SCUBE1: variants seen among roughly 807,000 people sequenced by gnomAD.
The protein encoded by SCUBE1 is signal peptide, CUB and EGF-like domain-containing protein 1.
In SCUBE1, 59 loss-of-function variants were observed where a neutral mutation model predicts 124.4. The observed-to-expected ratio is 0.47, with a 90% CI of 0.38 to 0.59. The LOEUF is 0.59. Ranked by LOEUF, SCUBE1 falls within the 20% of genes least tolerant of loss-of-function variation. The pLI is 0.00. For missense variants in SCUBE1, 1,150 were observed against 1,371.2 expected, an observed-to-expected ratio of 0.84 and a Z score of 2.55; for synonymous variants, 545 against 550.9, an observed-to-expected ratio of 0.99 and a Z score of 0.15.
At chr22:43,302,472 T>A (rs1464039502) in intron 3 of SCUBE1, among the ~76,000 whole-genome samples, 1 of 152,208 alleles carries the variant, frequency 6.6e-6, no homozygotes, top group Non-Finnish European at 1.5e-5. Flanking sequence ...CTCCTTGAAC[T>A]TCTAGATCAC....
At chr22:43,217,636 G>A (rs962083828) in intron 15 of SCUBE1, among the ~76,000 whole-genome samples, 3 of 152,172 alleles carry the variant, frequency 2.0e-5, no homozygotes, top group Admixed American at 6.5e-5. Flanking sequence ...TGGCCTCACT[G>A]TACCTGTGGG....
chr22:43,274,942 G>A (rs986460432), intron 4 of SCUBE1, among the ~76,000 whole-genome samples: 10 of 152,198 alleles, frequency 6.6e-5, no homozygotes, highest in Non-Finnish European at 1.0e-4. Context: ...TTGGATCATC[G>A]GCAGGTACAG....
At chr22:43,268,075 G>A (rs974895326) in intron 4 of SCUBE1, among the ~76,000 whole-genome samples, 1 of 152,208 alleles carries the variant, frequency 6.6e-6, no homozygotes, top group Non-Finnish European at 1.5e-5. Flanking sequence ...CCCTGAGCCA[G>A]CCAGGTCCAT....
intron 4 of SCUBE1, among the ~76,000 whole-genome samples, chr22:43,278,648 T>C (rs1924632186): frequency 6.6e-6 from 1 of 152,142 alleles, no homozygotes. Flanking sequence ...TCTCTGTCCA[T>C]TGGCTTGTTT....
chr22:43,211,520 CTT>C lies in SCUBE1; in HGVS notation c.2222-439_2222-438del, dbSNP rs35852531. 1.8e-4 allele frequency among the ~76,000 whole-genome samples: 24 copies of C among 136,902 alleles called. No individual in the cohort carries two copies. The highest frequency in any genetic ancestry group is 2.1e-4 in the East Asian group (1 of 4,830). 89.8% of individuals were successfully genotyped at this position (136,902 alleles called of 152,430 possible). On this transcript the variant is annotated intron_variant, in intron 17 of 21. Coordinates refer to ENST00000360835, the MANE Select transcript of SCUBE1 (RefSeq NM_173050.5). This position sits in a 1 kb window ranked among gnomAD's most constrained non-coding sequence, Gnocchi z 4.5. ...GGCGGGGGGCTAGAGATGGGCAATT[CTT>C]TTTTTTTTTTTTTGAGATGGAGCTC...
chr22:43,215,909 TCACA>T lies in SCUBE1; in HGVS notation c.1892-1662_1892-1659del, dbSNP rs1235588612. ...TACACACTCACACATGCATGCACAC[TCACA>T]CACATGCACACGTGTGGGAGACGGG... is the stretch of plus-strand genomic sequence containing the variant. On this transcript the variant is annotated intron_variant, in intron 15 of 21. Coordinates refer to ENST00000360835, the MANE Select transcript of SCUBE1 (RefSeq NM_173050.5). Among the ~76,000 whole-genome samples, 9 of 143,576 alleles carry T rather than the reference TCACA, an allele frequency of 6.3e-5. No homozygotes were observed. In the South Asian group the frequency reaches 6.6e-4, roughly 11 times the overall value. The allele number at this position is 143,576 out of a possible 152,430, so 94.2% of individuals were successfully genotyped here.
intron 4 of SCUBE1, among the ~76,000 whole-genome samples, chr22:43,288,199 C>G (rs534392482): frequency 3.0e-4 from 46 of 152,332 alleles, no homozygotes; most frequent in Non-Finnish European, 4.9e-4. Context: ...AATCCATATT[C>G]TGGTTAAAGC....
chr22:43,242,162 A>G (rs1923030513), intron 6 of SCUBE1, among the ~76,000 whole-genome samples: 1 of 152,250 alleles, frequency 6.6e-6, no homozygotes, highest in African/African-American at 2.4e-5. Flanking sequence ...CAATGACAGG[A>G]CAGGCGGGCC....
rs1203648084 is a variant in SCUBE1, at chr22:43,211,454, G to A, written c.2222-371C>T. ...CAAACCCTCTTTCTACAAGGTTGCT[G>A]GGGCAGGAGAGACAGGCGGCCGGAG... is the stretch of plus-strand genomic sequence containing the variant. On this transcript the variant is annotated intron_variant, in intron 17 of 21. Coordinates refer to ENST00000360835, the MANE Select transcript of SCUBE1 (RefSeq NM_173050.5). The surrounding 1 kb of genome is among the most constrained non-coding windows in gnomAD (Gnocchi z 4.5). Among the ~76,000 whole-genome samples, 1 of 152,106 alleles carries A rather than the reference G, an allele frequency of 6.6e-6. No homozygotes were observed. Among genetic ancestry groups the A allele is most frequent in the Non-Finnish European group, 1.5e-5 (1 of 68,020 alleles).
At chr22:43,278,768 GT>G (rs1443153585) in intron 4 of SCUBE1, among the ~76,000 whole-genome samples, 2 of 152,212 alleles carry the variant, frequency 1.3e-5, no homozygotes, top group African/African-American at 4.8e-5. Flanking sequence ...GGGAAGCTCA[GT>G]TTTCCCTCCC....
chr22:43,316,521 C>G (rs1342302265), intron 3 of SCUBE1, among the ~76,000 whole-genome samples: 1 of 152,212 alleles, frequency 6.6e-6, no homozygotes, highest in Non-Finnish European at 1.5e-5. Flanking sequence ...CTTCACCTGG[C>G]ATCTGGCACG....
At chr22:43,238,736 G>T in intron 7 of SCUBE1, 102 bp downstream of exon 7, 1 of 908,124 alleles carries the variant, frequency 1.1e-6, no homozygotes, top group Non-Finnish European at 1.9e-6. Context: ...AGCTACACGT[G>T]GCCCCCGTTC....
At chr22:43,336,418 C>T (rs2859443) in intron 2 of SCUBE1, among the ~76,000 whole-genome samples, 63,285 of 152,010 alleles carry the variant, frequency 0.42, 15,654 homozygotes, top group African/African-American at 0.68. Flanking sequence ...AAGTCCTGTC[C>T]GGGCAAAGGA....
chr22:43,339,470 C>T (rs997883355), intron 1 of SCUBE1, among the ~76,000 whole-genome samples: 8 of 151,882 alleles, frequency 5.3e-5, no homozygotes, highest in South Asian at 4.1e-4. Context: ...TATTTATTGT[C>T]GCAACCATCC....
rs750701522 is a variant in SCUBE1 at position 43,218,389 on chromosome 22, C to T, written c.1757G>A (p.Arg586His). 15 of 1,613,372 alleles carry T rather than the reference C, an allele frequency of 9.3e-6. No individual in the cohort carries two copies. Among genetic ancestry groups the T allele is most frequent in the Admixed American group, 1.7e-5 (1 of 60,008 alleles). Reference sequence around the variant, plus strand: ...GAACTGCTGCCGGCCGATGGACTTGCGCAGGGTCTTGATGGCGGCCTGCAG... The same window carrying T: ...GAACTGCTGCCGGCCGATGGACTTGTGCAGGGTCTTGATGGCGGCCTGCAG... Reference protein sequence around the residue: ...QSLQAAIKTLRKSIGRQQFYV... With the variant: ...QSLQAAIKTLHKSIGRQQFYV... The change falls in exon 15 of 22, where the codon CGC becomes CAC. Residue 586 changes from arginine to histidine, a missense_variant. By Grantham distance (29) the Arg-to-His change is conservative. Transcript: ENST00000360835.
intron 3 of SCUBE1, among the ~76,000 whole-genome samples, chr22:43,298,056 G>A (rs1434243627): frequency 1.3e-5 from 2 of 152,258 alleles, no homozygotes; most frequent in East Asian, 1.9e-4. Flanking sequence ...ACCGCCTGCC[G>A]GCTCCTTTCA....
At chr22:43,261,249 C>T (rs80317770) in intron 5 of SCUBE1, among the ~76,000 whole-genome samples, 1,808 of 152,300 alleles carry the variant, frequency 0.012, 42 homozygotes, top group African/African-American at 0.041. Context: ...GGTGTGGAGA[C>T]GGGGCCTGGA....
intron 8 of SCUBE1, among the ~76,000 whole-genome samples, chr22:43,231,297 C>G (rs1404870595): frequency 6.6e-6 from 1 of 152,236 alleles, no homozygotes; most frequent in Non-Finnish European, 1.5e-5. Flanking sequence ...TCCTGGATCC[C>G]ACTAGACTCT....
intron 2 of SCUBE1, among the ~76,000 whole-genome samples, chr22:43,323,239 CAT>C (rs1300382428): frequency 1.3e-5 from 2 of 152,188 alleles, no homozygotes; most frequent in African/African-American, 2.4e-5. Context: ...CACATACACA[CAT>C]ACACATGTGT....
Sources: gnomAD v4.1 joint callset for allele counts (sites outside exome capture counted in the v4.1 genomes callset) on GRCh38, gnomAD v4.1.1 for gene constraint, Gnocchi (gnomAD v3.1) non-coding constraint, MANE v1.5 for transcripts, NCBI Gene and HGNC (gene_info 2026-07-23, HGNC 2026-07-21) for gene names.